Variants in GUCY2D observed in about 807,000 individuals in gnomAD.
The protein encoded by GUCY2D is guanylate cyclase 2D, retinal, also known as retinal guanylyl cyclase 1.
A neutral mutation model predicts 101.3 loss-of-function variants in GUCY2D; 70 were observed. That is an observed-to-expected ratio of 0.69 (90% CI 0.57 to 0.84). The LOEUF is 0.84. Ranked by LOEUF, GUCY2D falls within the 40% of genes least tolerant of loss-of-function variation. The pLI is 0.00. For synonymous variants in GUCY2D, 688 were observed against 670.7 expected, an observed-to-expected ratio of 1.03 and a Z score of -0.40; for missense variants, 1,460 against 1,542.5, an observed-to-expected ratio of 0.95 and a Z score of 0.90.
At chr17:8,016,070 C>G in intron 17 of GUCY2D, 49 bp downstream of exon 17, 1 of 1,495,824 alleles carries the variant, frequency 6.7e-7, no homozygotes. Flanking sequence ...TGTCCTGAGG[C>G]ACCGCCCATC....
chr17:8,016,061 G>A, intron 17 of GUCY2D, 40 bp downstream of exon 17: 2 of 1,526,936 alleles, frequency 1.3e-6, no homozygotes, highest in Non-Finnish European at 1.8e-6. Context: ...GCCCCGCCCT[G>A]TCCTGAGGCA....
Position 8,003,309 on chromosome 17 carries a change from C to G in GUCY2D, c.262C>G (p.Pro88Ala). 6.7e-7 allele frequency: 1 copy of G among 1,485,338 alleles called. No individual in the cohort carries two copies. Among genetic ancestry groups the G allele is most frequent in the South Asian group, 1.3e-5 (1 of 78,502 alleles). The allele number at this position is 1,485,338 out of a possible 1,614,324, so 92.0% of individuals were successfully genotyped here. ...RLAAARLNRD[P>A]GLAGGPRFEV... ...GGCCGCCGCCCGCCTGAACCGCGAC[C>G]CCGGCCTGGCAGGCGGTCCCCGCTT... Residue 88 changes from proline to alanine, a missense_variant, in exon 2 of 20, where the codon CCC becomes GCC. Physicochemically the swap from Pro to Ala is conservative, Grantham distance 27 (BLOSUM62 -1). Transcript: ENST00000254854.
In GUCY2D at chr17:8,014,453, C is replaced by T. The variant is rs760126924; in HGVS notation, c.2413-148C>T. On this transcript the variant is annotated intron_variant, in intron 12 of 19. Coordinates refer to ENST00000254854, the MANE Select transcript of GUCY2D (RefSeq NM_000180.4). The surrounding 1 kb of genome is among the most constrained non-coding windows in gnomAD (Gnocchi z 4.0). Reference sequence around the variant, plus strand: ...TCTGAAAACACAGTGCCCAGCACCCCGGGGTGCTTGATGAATAGTAGATGA... The same window carrying T: ...TCTGAAAACACAGTGCCCAGCACCCTGGGGTGCTTGATGAATAGTAGATGA... 35 of 777,740 alleles carry T rather than the reference C, an allele frequency of 4.5e-5. 1 individual carries two copies. Among genetic ancestry groups the T allele is most frequent in the South Asian group, 5.6e-5 (4 of 71,720 alleles). 48.2% of individuals were successfully genotyped at this position (777,740 alleles called of 1,614,324 possible).
intron 19 of GUCY2D, 149 bp downstream of exon 19, chr17:8,016,703 G>A (rs1975986033): frequency 1.0e-5 from 6 of 592,516 alleles, no homozygotes; most frequent in Admixed American, 6.0e-5. Context: ...GAGGGAAGCA[G>A]CCATTGCAGG....
In GUCY2D at chr17:8,020,119, TCTC is replaced by T. The variant is rs1263785218; in HGVS notation, c.*25-6_*25-4del. The T allele has an allele frequency of 1.4e-5, 2 of 145,732 alleles. No individual in the cohort carries two copies. Among genetic ancestry groups the T allele is most frequent in the African/African-American group, 5.2e-5 (2 of 38,818 alleles). The allele number at this position is 145,732 out of a possible 1,614,324, so 9.0% of individuals were successfully genotyped here. A position where few individuals can be genotyped will look rare whatever the true frequency, so the allele number is the denominator to read the frequency against. On this transcript the variant is annotated splice_region_variant and splice_polypyrimidine_tract_variant and intron_variant, in intron 19 of 19. Coordinates refer to ENST00000254854, the MANE Select transcript of GUCY2D (RefSeq NM_000180.4). ...TTTTTTTTTTTTTTTTTTTTGTGCT[TCTC>T]CTTAGGGTCTGGGCCCTGCTCCCTG...
At chr17:8,007,390 G>A (rs1257209712) in intron 5 of GUCY2D, 36 bp from the exon 6 acceptor site, 7 of 1,371,028 alleles carry the variant, frequency 5.1e-6, no homozygotes, top group Non-Finnish European at 7.3e-6. Flanking sequence ...GACGGAACTT[G>A]GTGCCCTTGG....
In GUCY2D at chr17:8,016,207, C is replaced by T; in HGVS notation, c.3141C>T (p.Gly1047=). 6.3e-7 allele frequency: 1 copy of T among 1,584,866 alleles called. No individual in the cohort carries two copies. Among genetic ancestry groups the T allele is most frequent in the Non-Finnish European group, 8.6e-7 (1 of 1,164,612 alleles). The change falls in exon 18 of 20, where the codon GGC becomes GGT. Residue 1047 remains glycine (G), a splice_region_variant and synonymous_variant. Coordinates refer to ENST00000254854, the MANE Select transcript of GUCY2D (RefSeq NM_000180.4). ...TTCCCTCTCCCATGTCTCCCCAGGG[C>T]AAGGGCGCCGAGGACACTTTCTGGC... ...VELRGRTELK[G]KGAEDTFWLV...
chr17:8,008,070 G>A (rs1335827624), intron 7 of GUCY2D, 38 bp downstream of exon 7: 4 of 1,307,944 alleles, frequency 3.1e-6, no homozygotes, highest in Non-Finnish European at 1.1e-6. Flanking sequence ...GACAGTGGGG[G>A]AAGAATGCTC....
intron 10 of GUCY2D, 65 bp downstream of exon 10, chr17:8,012,671 G>A (rs531669033): frequency 4.4e-5 from 57 of 1,288,046 alleles, no homozygotes; most frequent in South Asian, 2.1e-4. Context: ...CTTCTCCCCC[G>A]CTTCCTCCCT....
rs1158556726 is a variant in GUCY2D at position 8,015,375 on chromosome 17, G to C, written c.2817G>C (p.Gln939His). 1 of 1,612,336 alleles carries C rather than the reference G, an allele frequency of 6.2e-7. No individual in the cohort carries two copies. The highest frequency in any genetic ancestry group is 8.5e-7 in the Non-Finnish European group (1 of 1,179,954). The change falls in exon 15 of 20, where the codon CAG becomes CAC. Residue 939 changes from glutamine (Q) to histidine (H), a missense_variant. Physicochemically the swap from Gln to His is conservative, Grantham distance 24 (BLOSUM62 0). This residue lies in a region of GUCY2D where 49 missense variants were observed against 85.0 expected (regional missense o/e 0.58). Coordinates refer to ENST00000254854, the MANE Select transcript of GUCY2D (RefSeq NM_000180.4). ...DAYMVASGLP[Q>H]RNGQRHAAEI... ...ATATGGTGGCCTCGGGGCTGCCCCA[G>C]CGGAATGGGCAGCGACACGCGGCAG...
Position 8,002,944 on chromosome 17 carries a change from G to GCA in GUCY2D, c.-9-95_-9-94insCA. ...GGCGGTAGCAGCAGAATCATCCCAT[G>GCA]GGTTACTCGGGCTTGGAGAAACTCG... On this transcript the variant is annotated intron_variant, in intron 1 of 19. Transcript: ENST00000254854. The surrounding 1 kb of genome is among the most constrained non-coding windows in gnomAD (Gnocchi z 4.9). 1.1e-6 allele frequency: 1 copy of GCA among 943,080 alleles called. No homozygotes were observed. The allele number at this position is 943,080 out of a possible 1,614,324, so 58.4% of individuals were successfully genotyped here. A position where few individuals can be genotyped will look rare whatever the true frequency, so the allele number is the denominator to read the frequency against.
rs771288323 is a variant in GUCY2D at position 8,007,138 on chromosome 17, A to G, written c.1457A>G (p.Tyr486Cys). ...MGLAGAFLAH[Y>C]VRHRLLHMQM... ...CTGGCTGGGGCCTTCCTGGCCCATT[A>G]TGTGAGGTGAGTAGTGGAATGAGGT... Residue 486 changes from tyrosine (Y) to cysteine (C), a missense_variant, in exon 5 of 20, where the codon TAT (tyrosine) becomes TGT (cysteine). Coordinates refer to ENST00000254854, the MANE Select transcript of GUCY2D (RefSeq NM_000180.4). 6 of 1,609,274 alleles carry G rather than the reference A, an allele frequency of 3.7e-6. No homozygotes were observed. Among genetic ancestry groups the G allele is most frequent in the Admixed American group, 1.7e-5 (1 of 60,010 alleles).
At chr17:8,004,299 GC>G in intron 3 of GUCY2D, 143 bp downstream of exon 3, 2 of 768,268 alleles carry the variant, frequency 2.6e-6, no homozygotes, top group South Asian at 3.7e-5. Flanking sequence ...AGAGGCTCTG[GC>G]CCCACTTGGG....
Position 8,005,594 on chromosome 17 carries a change from G to A in GUCY2D, c.1027-769G>A, listed in dbSNP as rs577720921. Among the ~76,000 whole-genome samples, 5 of 152,332 alleles carry A rather than the reference G, an allele frequency of 3.3e-5. 1 individual carries two copies. The highest frequency in any genetic ancestry group is 9.6e-5 in the African/African-American group (4 of 41,578). On this transcript the variant is annotated intron_variant, in intron 3 of 19. Coordinates refer to ENST00000254854, the MANE Select transcript of GUCY2D (RefSeq NM_000180.4). ...GGATAATTCTGACTCATCCCCTGAA[G>A]GATGGTCACTTCTAACAGCTCCTTC... is the stretch of plus-strand genomic sequence containing the variant.
In GUCY2D at chr17:8,012,231, G is replaced by C. The variant is rs1240090695; in HGVS notation, c.1837G>C (p.Gly613Arg). ...AGAAGGCCCTGCGGCCCTCTGGGAGGGCAACCTGGCTGTGGTCTCAGAGCA... is the reference window on the plus strand; with the variant it reads ...AGAAGGCCCTGCGGCCCTCTGGGAGCGCAACCTGGCTGTGGTCTCAGAGCA... ...GAEGPAALWEGNLAVVSEHCT... is the reference protein window; with the variant it reads ...GAEGPAALWERNLAVVSEHCT... Residue 613 changes from glycine to arginine, a missense_variant, in exon 9 of 20, where the codon GGC (glycine) becomes CGC (arginine). By Grantham distance (125) the Gly-to-Arg change is moderately radical. Coordinates refer to ENST00000254854, the MANE Select transcript of GUCY2D (RefSeq NM_000180.4). The C allele has an allele frequency of 6.2e-7, 1 of 1,613,928 alleles. No individual in the cohort carries two copies. The highest frequency in any genetic ancestry group is 1.3e-5 in the African/African-American group (1 of 74,922).
Position 8,014,186 on chromosome 17 carries a change from A to G in GUCY2D, c.2412+158A>G, listed in dbSNP as rs1230481953. On this transcript the variant is annotated intron_variant, in intron 12 of 19. Transcript: ENST00000254854. The surrounding 1 kb of genome is among the most constrained non-coding windows in gnomAD (Gnocchi z 4.0). ...CTGAAGACTCGGAGTTTGGGGGCAGAATTGGAATGGGGGCTGTGGAGGCTT... is the reference window on the plus strand; with the variant it reads ...CTGAAGACTCGGAGTTTGGGGGCAGGATTGGAATGGGGGCTGTGGAGGCTT... 3 of 718,912 alleles carry G rather than the reference A, an allele frequency of 4.2e-6. No homozygotes were observed. The highest frequency in any genetic ancestry group is 7.4e-6 in the Non-Finnish European group (3 of 404,714). The allele number at this position is 718,912 out of a possible 1,614,324, so 44.5% of individuals were successfully genotyped here.
Position 8,015,978 on chromosome 17 carries a change from ACTCGG to A in GUCY2D, c.3096_3100del (p.Asp1032GlufsTer38). The A allele has an allele frequency of 6.2e-7, 1 of 1,611,846 alleles. No homozygotes were observed. Among genetic ancestry groups the A allele is most frequent in the Non-Finnish European group, 8.5e-7 (1 of 1,179,320 alleles). ...ACTGTGGGGATTCTCCGTGCTCTGG[ACTCGG>A]GCTACCAGGTGGAGCTGCGAGGCCG... is the stretch of plus-strand genomic sequence containing the variant. On this transcript the variant is annotated frameshift_variant, in exon 17 of 20. Transcript: ENST00000254854. LOFTEE classifies it high-confidence loss of function.
rs779132852 is a variant in GUCY2D at position 8,007,480 on chromosome 17, C to T, written c.1518C>T (p.Thr506=). 2.0e-5 allele frequency: 33 copies of T among 1,613,416 alleles called. No individual in the cohort carries two copies. In the Middle Eastern group the frequency reaches 4.9e-4, roughly 24 times the overall value. Residue 506 remains threonine (T), a synonymous_variant, in exon 6 of 20, where the codon ACC becomes ACT. Transcript: ENST00000254854. ...CCGGCCCCAACAAGATCATCCTGACCGTGGACGACATCACCTTTCTCCACC... is the reference window on the plus strand; with the variant it reads ...CCGGCCCCAACAAGATCATCCTGACTGTGGACGACATCACCTTTCTCCACC... ...MVSGPNKIIL[T]VDDITFLHPH...
At chr17:8,005,816 C>G (rs1343661913) in intron 3 of GUCY2D, among the ~76,000 whole-genome samples, 4 of 152,160 alleles carry the variant, frequency 2.6e-5, no homozygotes, top group African/African-American at 9.7e-5. Context: ...GAGATGGCAA[C>G]TGGGAATAAT....
Sources: allele counts gnomAD v4.1 joint callset (sites outside exome capture counted in the v4.1 genomes callset), GRCh38; gene constraint gnomAD v4.1.1; regional missense constraint gnomAD v4.1.1; non-coding constraint Gnocchi (gnomAD v3.1); transcripts MANE v1.5; gene names NCBI Gene and HGNC (gene_info 2026-07-23, HGNC 2026-07-21).